Variants in DDR2 observed in about 807,000 individuals in gnomAD.
DDR2 encodes the protein discoidin domain receptor tyrosine kinase 2.
Under a neutral mutation model 94.9 loss-of-function variants are expected in DDR2, and 27 were observed. That is an observed-to-expected ratio of 0.28 (90% CI 0.21 to 0.39). DDR2 has a LOEUF of 0.39. DDR2 is among the 10% of genes least tolerant of loss of function. The pLI, the probability that DDR2 is intolerant of heterozygous loss-of-function variation, is 1.00. For synonymous variants in DDR2, 382 were observed against 377.2 expected (o/e 1.01, Z -0.15); for missense variants, 783 against 1,076.0 (o/e 0.73, Z 3.81).
Position 162,755,209 on chromosome 1 carries a change from G to T in DDR2, c.471G>T (p.Pro157=), listed in dbSNP as rs374094270. ...PYDIFLKDLE[P]PIVARFVRFI... ...ACATTTTCCTAAAGGACTTGGAGCC[G>T]CCCATTGTAGCCAGATTTGTCCGGT... Residue 157 remains proline (P), a synonymous_variant, in exon 6 of 18, where the codon CCG becomes CCT. Transcript: ENST00000367921. 3.7e-6 allele frequency: 6 copies of T among 1,614,040 alleles called. No individual in the cohort carries two copies. In the South Asian group the frequency reaches 6.6e-5, roughly 18 times the overall value.
At chr1:162,730,112 A>T (rs1388101162) in intron 3 of DDR2, among the ~76,000 whole-genome samples, 1 of 147,478 alleles carries the variant, frequency 6.8e-6, no homozygotes, top group Non-Finnish European at 1.5e-5. Context: ...TCTCAGAAAG[A>T]TGTTGGGAAG....
At chr1:162,637,198 G>T (rs1357216067) in intron 1 of DDR2, among the ~76,000 whole-genome samples, 2 of 152,010 alleles carry the variant, frequency 1.3e-5, no homozygotes, top group Non-Finnish European at 2.9e-5. Flanking sequence ...ATTGCTTTAG[G>T]TTCTAGGGAG....
chr1:162,686,391 T>A (rs1659692011), intron 2 of DDR2, among the ~76,000 whole-genome samples: 1 of 152,066 alleles, frequency 6.6e-6, no homozygotes, highest in Non-Finnish European at 1.5e-5. Flanking sequence ...TGACAGGCCC[T>A]GGTGTGTGAT....
intron 3 of DDR2, among the ~76,000 whole-genome samples, chr1:162,750,822 A>G (rs894345415): frequency 6.6e-6 from 1 of 152,176 alleles, no homozygotes; most frequent in Non-Finnish European, 1.5e-5. Flanking sequence ...AACAGAACAC[A>G]GCCCTCAGAA....
chr1:162,691,717 A>G (rs1659970346), intron 2 of DDR2, among the ~76,000 whole-genome samples: 1 of 152,240 alleles, frequency 6.6e-6, no homozygotes, highest in African/African-American at 2.4e-5. Flanking sequence ...CATGGTGTCA[A>G]TTGGCTCACA....
chr1:162,719,339 C>T (rs1034404776), intron 3 of DDR2, 194 bp downstream of exon 3: 1 of 699,024 alleles, frequency 1.4e-6, no homozygotes, highest in Non-Finnish European at 1.8e-6. Flanking sequence ...ATACTTACAA[C>T]CTGTTGAATA....
chr1:162,705,427 C>T (rs758746566), intron 2 of DDR2, among the ~76,000 whole-genome samples: 3 of 152,116 alleles, frequency 2.0e-5, no homozygotes, highest in Non-Finnish European at 4.4e-5. Flanking sequence ...TCGGGCTGCC[C>T]GTTGTTTTTG....
At chr1:162,648,531 A>C (rs1324940259) in intron 1 of DDR2, among the ~76,000 whole-genome samples, 1 of 152,214 alleles carries the variant, frequency 6.6e-6, no homozygotes, top group African/African-American at 2.4e-5. Flanking sequence ...ATGTGACAGC[A>C]GTATGTAAGC....
intron 2 of DDR2, among the ~76,000 whole-genome samples, chr1:162,691,052 C>T (rs1342771590): frequency 1.3e-5 from 2 of 152,292 alleles, no homozygotes; most frequent in East Asian, 3.9e-4. Context: ...CACGAGCTCT[C>T]TCACCAACTG....
chr1:162,647,069 C>T (rs1657447711), intron 1 of DDR2, among the ~76,000 whole-genome samples: 2 of 152,100 alleles, frequency 1.3e-5, no homozygotes. Flanking sequence ...TGGCCAGACC[C>T]TTGGAAAATT....
intron 2 of DDR2, among the ~76,000 whole-genome samples, chr1:162,686,649 G>A (rs1659703225): frequency 6.6e-6 from 1 of 152,190 alleles, no homozygotes; most frequent in Non-Finnish European, 1.5e-5. Flanking sequence ...CCAAGTTTTT[G>A]CTATTGTAAA....
At chr1:162,772,000 G>A in intron 12 of DDR2, 24 bp from the exon 13 acceptor site, 1 of 1,576,752 alleles carries the variant, frequency 6.3e-7, no homozygotes, top group South Asian at 1.2e-5. Flanking sequence ...ACGGAATGAG[G>A]GCTCGTTGCC....
intron 2 of DDR2, among the ~76,000 whole-genome samples, chr1:162,682,164 A>C (rs1056512570): frequency 6.6e-6 from 1 of 151,516 alleles, no homozygotes; most frequent in Non-Finnish European, 1.5e-5. Flanking sequence ...GTGGGGGTCC[A>C]TGTTTATCTT....
chr1:162,729,792 G>A (rs1194872206), intron 3 of DDR2, among the ~76,000 whole-genome samples: 1 of 151,528 alleles, frequency 6.6e-6, no homozygotes, highest in African/African-American at 2.4e-5. Context: ...TACCCAGGCT[G>A]GAGTGCAATG....
chr1:162,739,971 A>C (rs1184910219), intron 3 of DDR2, among the ~76,000 whole-genome samples: 1 of 152,110 alleles, frequency 6.6e-6, no homozygotes, highest in African/African-American at 2.4e-5. Flanking sequence ...ACCTGAAAAA[A>C]AAAAAAAAGA....
In DDR2 at chr1:162,641,847, C is replaced by T. The variant is rs146026851; in HGVS notation, c.-192+9216C>T. Among the ~76,000 whole-genome samples, 860 of 152,296 alleles carry T rather than the reference C, an allele frequency of 5.6e-3. 2 individuals carry two copies. The highest frequency in any genetic ancestry group is 8.3e-3 in the Non-Finnish European group (566 of 68,022). On this transcript the variant is annotated intron_variant, in intron 1 of 17. Transcript: ENST00000367921. ...GATTTGTGAACATTGTAGAAATATACTAATGTCTTTGTGAGTACAGATAAG... is the reference window on the plus strand; with the variant it reads ...GATTTGTGAACATTGTAGAAATATATTAATGTCTTTGTGAGTACAGATAAG...
At chr1:162,696,851 C>T (rs903448852) in intron 2 of DDR2, among the ~76,000 whole-genome samples, 2 of 152,244 alleles carry the variant, frequency 1.3e-5, no homozygotes, top group Admixed American at 1.3e-4. Context: ...GAAAGACCCC[C>T]GCTTGTCTGA....
intron 3 of DDR2, among the ~76,000 whole-genome samples, chr1:162,725,095 A>G (rs1470671616): frequency 1.3e-5 from 2 of 152,176 alleles, no homozygotes; most frequent in Non-Finnish European, 1.5e-5. Context: ...AACACTTAAT[A>G]TATTCTGGGT....
chr1:162,656,835 T>TTTTTTTG (rs1657995762), intron 2 of DDR2, among the ~76,000 whole-genome samples: 1 of 88,566 alleles, frequency 1.1e-5, no homozygotes, highest in Non-Finnish European at 2.4e-5. Flanking sequence ...CCACTGGAGT[T>TTTTTTTG]TTTTTTTTTT....
Sources: gnomAD v4.1 joint callset for allele counts (sites outside exome capture counted in the v4.1 genomes callset) on GRCh38, gnomAD v4.1.1 for gene constraint, MANE v1.5 for transcripts, NCBI Gene and HGNC (gene_info 2026-07-23, HGNC 2026-07-21) for gene names.